The following KCNN2 variants were observed in gnomAD, a reference collection of about 807,000 sequenced individuals.
The protein encoded by KCNN2 is potassium calcium-activated channel subfamily N member 2, also known as small conductance calcium-activated potassium channel protein 2.
In KCNN2, 24 loss-of-function variants were observed where a neutral mutation model predicts 55.5. That is an observed-to-expected ratio of 0.43 (90% confidence interval 0.31 to 0.61). The LOEUF is 0.61. KCNN2 is among the 20% of genes least tolerant of loss of function. KCNN2 has a pLI of 0.08. For missense variants in KCNN2, 754 were observed against 853.6 expected, an observed-to-expected ratio of 0.88 and a Z score of 1.45; for synonymous variants, 431 against 336.1, an observed-to-expected ratio of 1.28 and a Z score of -3.09.
intron 1 of KCNN2, among the ~76,000 whole-genome samples, chr5:114,135,445 C>T (rs562825279): frequency 4.2e-4 from 64 of 152,262 alleles, no homozygotes; most frequent in Admixed American, 1.6e-3. Context: ...TTAAGACCCC[C>T]CAACCCGACT....
intron 2 of KCNN2, among the ~76,000 whole-genome samples, chr5:114,255,001 A>G (rs1212272685): frequency 6.6e-6 from 1 of 152,176 alleles, no homozygotes; most frequent in Non-Finnish European, 1.5e-5. Context: ...TGGCCTCATC[A>G]TTTTTTGATG....
At chr5:114,114,481 C>T (rs2112587705) in intron 1 of KCNN2, among the ~76,000 whole-genome samples, 1 of 152,178 alleles carries the variant, frequency 6.6e-6, no homozygotes, top group South Asian at 2.1e-4. Flanking sequence ...TCAAGTGATC[C>T]TCCCACCTTA....
At chr5:114,158,352 A>C (rs1371651653) in intron 1 of KCNN2, among the ~76,000 whole-genome samples, 1 of 152,046 alleles carries the variant, frequency 6.6e-6, no homozygotes, top group Non-Finnish European at 1.5e-5. Context: ...GTTCTGTTCC[A>C]TTGGTCTATA....
chr5:114,065,988 C>A (rs1390742804), intron 1 of KCNN2, among the ~76,000 whole-genome samples: 1 of 147,960 alleles, frequency 6.8e-6, no homozygotes, highest in African/African-American at 2.5e-5. Context: ...ACTATCATTA[C>A]ATTTTGCAAT....
chr5:114,247,202 CAAAAA>C (rs370172975), intron 2 of KCNN2, among the ~76,000 whole-genome samples: 1 of 68,096 alleles, frequency 1.5e-5, no homozygotes, highest in Admixed American at 1.9e-4. Context: ...CATATGTCTC[CAAAAA>C]AAAAAAAAAA....
intron 2 of KCNN2, among the ~76,000 whole-genome samples, chr5:114,397,535 C>T (rs892248118): frequency 1.3e-5 from 2 of 152,088 alleles, no homozygotes; most frequent in South Asian, 2.1e-4. Context: ...TACAAGCACG[C>T]AACACAATGC....
chr5:114,314,453 A>G (rs1221742978), intron 2 of KCNN2, among the ~76,000 whole-genome samples: 1 of 152,126 alleles, frequency 6.6e-6, no homozygotes, highest in East Asian at 1.9e-4. Flanking sequence ...TACCCTAAAA[A>G]TGTCCCATGT....
chr5:114,290,346 T>G (rs149869090), intron 2 of KCNN2, among the ~76,000 whole-genome samples: 152 of 152,256 alleles, frequency 1.0e-3, no homozygotes, highest in Admixed American at 2.7e-3. Context: ...TTCCATGAAT[T>G]TATATTCATA....
intron 2 of KCNN2, among the ~76,000 whole-genome samples, chr5:114,322,027 T>G (rs1756624629): frequency 1.3e-5 from 2 of 152,194 alleles, no homozygotes; most frequent in South Asian, 4.1e-4. Context: ...TATTACCCAG[T>G]TTCCTCAGCT....
At chr5:114,222,676 T>C (rs1190471268) in intron 2 of KCNN2, among the ~76,000 whole-genome samples, 1 of 152,208 alleles carries the variant, frequency 6.6e-6, no homozygotes, top group Non-Finnish European at 1.5e-5. Context: ...ATCCCTTGTT[T>C]GTTTTTACCA....
At position 114,118,535 on chromosome 5, in the gene KCNN2, G is replaced by T. The variant is rs536482554; in HGVS notation, c.-271+62035G>T. 2.3e-4 allele frequency among the ~76,000 whole-genome samples: 35 copies of T among 152,112 alleles called. No individual in the cohort carries two copies. In the South Asian group the frequency reaches 6.9e-3, roughly 30 times the overall value. On this transcript the variant is annotated intron_variant, in intron 1 of 10. Coordinates refer to the KCNN2 transcript ENST00000512097. ...GTTGTCCCAGCTCACCAGTGAGGCA[G>T]AAAAAATAAGAGGAGGAAGACAGAT...
chr5:114,189,347 T>G (rs184006199), intron 1 of KCNN2, among the ~76,000 whole-genome samples: 1 of 152,068 alleles, frequency 6.6e-6, no homozygotes, highest in Non-Finnish European at 1.5e-5. Flanking sequence ...CAGGAGGGGA[T>G]TGATGTCCCA....
intron 1 of KCNN2, among the ~76,000 whole-genome samples, chr5:114,105,909 G>A (rs1244477131): frequency 6.6e-6 from 1 of 151,780 alleles, no homozygotes; most frequent in Non-Finnish European, 1.5e-5. Context: ...CTTATTCTGA[G>A]ATATTTCATA....
At chr5:114,217,433 A>G (rs1429919073) in intron 1 of KCNN2, among the ~76,000 whole-genome samples, 3 of 152,114 alleles carry the variant, frequency 2.0e-5, no homozygotes, top group Non-Finnish European at 4.4e-5. Context: ...TGTCCAGGGG[A>G]AAAAAATCGC....
At chr5:114,459,483 T>C (rs1398827773) in intron 3 of KCNN2, among the ~76,000 whole-genome samples, 1 of 152,216 alleles carries the variant, frequency 6.6e-6, no homozygotes, top group Non-Finnish European at 1.5e-5. Context: ...GAATCTGTCA[T>C]AGATTAAAAA....
intron 3 of KCNN2, among the ~76,000 whole-genome samples, chr5:114,419,916 T>A (rs1759424758): frequency 6.6e-6 from 1 of 152,230 alleles, no homozygotes; most frequent in Non-Finnish European, 1.5e-5. Flanking sequence ...CAGGATCACT[T>A]GAGCCCAGGA....
chr5:114,299,418 T>C (rs1297853070), intron 2 of KCNN2, among the ~76,000 whole-genome samples: 1 of 152,182 alleles, frequency 6.6e-6, no homozygotes, highest in Non-Finnish European at 1.5e-5. Context: ...CAGTGCTGAG[T>C]GTAGCCCCAT....
intron 3 of KCNN2, among the ~76,000 whole-genome samples, chr5:114,434,593 C>T (rs1040529688): frequency 6.6e-6 from 1 of 152,162 alleles, no homozygotes; most frequent in Admixed American, 6.5e-5. Context: ...CTGTTGTAAT[C>T]CCCTGGTATT....
At chr5:114,305,099 T>A (rs146829097) in intron 2 of KCNN2, among the ~76,000 whole-genome samples, 206 of 152,250 alleles carry the variant, frequency 1.4e-3, no homozygotes, top group African/African-American at 4.5e-3. Flanking sequence ...TAGGAGACTA[T>A]AAAGATTTAA....
Sources: gnomAD v4.1 joint callset for allele counts (sites outside exome capture counted in the v4.1 genomes callset) on GRCh38, gnomAD v4.1.1 for gene constraint, MANE v1.5 for transcripts, NCBI Gene and HGNC (gene_info 2026-07-23, HGNC 2026-07-21) for gene names.